The following SVOPL variants were observed in gnomAD, a reference collection of about 807,000 sequenced individuals.
SVOPL encodes the protein putative transporter SVOPL.
Under a neutral mutation model 61.0 loss-of-function variants are expected in SVOPL, and 60 were observed. The observed-to-expected ratio is 0.98, with a 90% CI of 0.80 to 1.22. The LOEUF is 1.22. Among genes scored for constraint, SVOPL ranks in the 50% most tolerant of loss-of-function variants. The pLI is 0.00. For synonymous variants in SVOPL, 279 were observed against 250.0 expected, an observed-to-expected ratio of 1.12 and a Z score of -1.09; for missense variants, 662 against 643.9, an observed-to-expected ratio of 1.03 and a Z score of -0.30.
chr7:138,665,950 C>G (rs1802245539), intron 4 of SVOPL, among the ~76,000 whole-genome samples: 1 of 152,200 alleles, frequency 6.6e-6, no homozygotes, highest in South Asian at 2.1e-4. Context: ...ACAAAGACCA[C>G]TGATCGCTTG....
At chr7:138,594,873 C>T (rs1237992666) in intron 15 of SVOPL, among the ~76,000 whole-genome samples, 1 of 151,062 alleles carries the variant, frequency 6.6e-6, no homozygotes, top group Non-Finnish European at 1.5e-5. Flanking sequence ...TATATGTATA[C>T]ATATATACAT....
rs760998656 is a variant in SVOPL at position 138,626,031 on chromosome 7, G to C, written c.1201C>G (p.Leu401Val). The C allele has an allele frequency of 6.2e-7, 1 of 1,614,110 alleles. No individual in the cohort carries two copies. The highest frequency in any genetic ancestry group is 8.5e-7 in the Non-Finnish European group (1 of 1,180,032). Reference sequence around the variant, plus strand: ...GCTACCAGAGCCCTCAGCATGAAGAGGAAGCCAATCAGGCCGGCACTAGAA... The same window carrying C: ...GCTACCAGAGCCCTCAGCATGAAGACGAAGCCAATCAGGCCGGCACTAGAA... The part of the protein sequence containing the change: ...CTSSAGLIGF[L>V]FMLRALVAAN... Residue 401 changes from leucine (L) to valine (V), a missense_variant, in exon 13 of 16, where the codon CTC becomes GTC. Leu to Val is a conservative substitution (Grantham distance 32). Coordinates refer to ENST00000674285, the MANE Select transcript of SVOPL (RefSeq NM_001139456.2).
intron 14 of SVOPL, among the ~76,000 whole-genome samples, chr7:138,618,472 C>A (rs1799399342): frequency 6.6e-6 from 1 of 152,044 alleles, no homozygotes; most frequent in Non-Finnish European, 1.5e-5. Flanking sequence ...CCAGCCTGGC[C>A]AACATCGCGA....
chr7:138,617,601 C>T (rs1799357228), intron 14 of SVOPL, among the ~76,000 whole-genome samples: 1 of 152,128 alleles, frequency 6.6e-6, no homozygotes, highest in African/African-American at 2.4e-5. Flanking sequence ...GTAATCCCAG[C>T]ACTTTGAAAG....
intron 9 of SVOPL, among the ~76,000 whole-genome samples, chr7:138,641,385 C>T (rs1260850790): frequency 6.6e-6 from 1 of 151,896 alleles, no homozygotes; most frequent in East Asian, 1.9e-4. Context: ...GAAAAGACAG[C>T]CTCAGCTGGG....
intron 8 of SVOPL, among the ~76,000 whole-genome samples, chr7:138,648,665 G>T (rs560223628): frequency 6.6e-6 from 1 of 150,948 alleles, no homozygotes; most frequent in South Asian, 2.1e-4. Context: ...CCGAGGTCGC[G>T]CCACTGCACT....
At chr7:138,639,796 C>T (rs1246711234) in intron 9 of SVOPL, among the ~76,000 whole-genome samples, 1 of 152,086 alleles carries the variant, frequency 6.6e-6, no homozygotes, top group African/African-American at 2.4e-5. Flanking sequence ...GCAGCCTTGA[C>T]ATCCTAGGCT....
At chr7:138,679,288 G>A (rs1802650383) in intron 1 of SVOPL, among the ~76,000 whole-genome samples, 1 of 152,002 alleles carries the variant, frequency 6.6e-6, no homozygotes, top group Admixed American at 6.6e-5. Flanking sequence ...TTGATTGATT[G>A]AGATGGAGTC....
At chr7:138,679,533 A>C (rs970809461) in intron 1 of SVOPL, among the ~76,000 whole-genome samples, 1 of 152,088 alleles carries the variant, frequency 6.6e-6, no homozygotes, top group Non-Finnish European at 1.5e-5. Flanking sequence ...TCGGCTTCCC[A>C]AAGTGCTGGG....
intron 9 of SVOPL, among the ~76,000 whole-genome samples, chr7:138,634,187 A>G (rs1465938494): frequency 4.6e-5 from 7 of 152,036 alleles, no homozygotes. Context: ...TTATCCTTGG[A>G]TCCTGTTCTT....
chr7:138,694,876 T>A (rs1022466096), intron 1 of SVOPL, among the ~76,000 whole-genome samples: 3 of 151,950 alleles, frequency 2.0e-5, no homozygotes, highest in Non-Finnish European at 4.4e-5. Context: ...GTAGCTGGGA[T>A]TACAGGCATG....
rs1182321543 is a variant in SVOPL, at chr7:138,689,680, AACCCCGTCTC to A, written c.-34-10611_-34-10602del. ...GAGACCAGCCTGACCAACATGGTGA[AACCCCGTCTC>A]TACTAAAAATACAAAAATTAGCCGG... On this transcript the variant is annotated intron_variant, in intron 1 of 15. Transcript: ENST00000674285. Among the ~76,000 whole-genome samples the A allele has an allele frequency of 7.2e-5, 11 of 152,088 alleles. No individual in the cohort carries two copies. The East Asian group carries it at 1.7e-3, about 24-fold the overall frequency.
rs755437506 is a variant in SVOPL at position 138,594,479 on chromosome 7, C to CT, written c.*130dup. On this transcript the variant is annotated 3_prime_UTR_variant, in exon 16 of 16. Transcript: ENST00000674285. Reference sequence around the variant, plus strand: ...TTACCTACCCCATTCCCATATATGCCTTTAAAAAAAAAATCACTTTACTAA... The same window carrying CT: ...TTACCTACCCCATTCCCATATATGCCTTTTAAAAAAAAAATCACTTTACTAA... 6.9e-4 allele frequency: 477 copies of CT among 688,310 alleles called. 3 individuals carry two copies. Among genetic ancestry groups the CT allele is most frequent in the African/African-American group, 1.9e-3 (102 of 55,060 alleles). The allele number at this position is 688,310 out of a possible 1,614,324, so 42.6% of individuals were successfully genotyped here.
chr7:138,640,677 AC>A (rs1800739064), intron 9 of SVOPL, among the ~76,000 whole-genome samples: 2 of 152,176 alleles, frequency 1.3e-5, no homozygotes, highest in African/African-American at 4.8e-5. Context: ...AAAGCCAAAT[AC>A]CATATGTTCT....
chr7:138,635,615 G>C (rs2116950691), intron 9 of SVOPL, among the ~76,000 whole-genome samples: 1 of 152,224 alleles, frequency 6.6e-6, no homozygotes, highest in South Asian at 2.1e-4. Flanking sequence ...TGTGGAGAGA[G>C]AAAGGTAAGG....
At chr7:138,660,573 T>C in intron 5 of SVOPL, 1 of 985,550 alleles carries the variant, frequency 1.0e-6, no homozygotes, top group Non-Finnish European at 1.2e-6. Context: ...ATATAATACA[T>C]AAGACCTTGC....
intron 10 of SVOPL, among the ~76,000 whole-genome samples, chr7:138,629,021 A>C (rs1276795685): frequency 1.3e-5 from 2 of 152,108 alleles, no homozygotes; most frequent in African/African-American, 4.8e-5. Context: ...GTGCAAAATA[A>C]AATAAATAAA....
chr7:138,634,437 A>G (rs1336693931), intron 9 of SVOPL, among the ~76,000 whole-genome samples: 1 of 151,758 alleles, frequency 6.6e-6, no homozygotes, highest in African/African-American at 2.4e-5. Flanking sequence ...GGGGCCAGAA[A>G]TTTAAGACCA....
At chr7:138,605,001 A>G (rs1445664166) in intron 14 of SVOPL, among the ~76,000 whole-genome samples, 1 of 152,014 alleles carries the variant, frequency 6.6e-6, no homozygotes, top group Non-Finnish European at 1.5e-5. Flanking sequence ...GGGTCACCTG[A>G]AGCCAGGAGT....
Sources: allele counts gnomAD v4.1 joint callset (sites outside exome capture counted in the v4.1 genomes callset), GRCh38; gene constraint gnomAD v4.1.1; transcripts MANE v1.5; gene names NCBI Gene and HGNC (gene_info 2026-07-23, HGNC 2026-07-21).